The following ANTXR1 variants were observed in gnomAD, a reference collection of about 807,000 sequenced individuals.
The protein encoded by ANTXR1 is ANTXR cell adhesion molecule 1.
Under a neutral mutation model 78.1 loss-of-function variants are expected in ANTXR1, and 19 were observed. That is an observed-to-expected ratio of 0.24 (90% CI 0.17 to 0.36). The LOEUF (loss-of-function observed/expected upper bound fraction) is 0.36. ANTXR1 is among the 10% of genes least tolerant of loss of function. The probability of loss-of-function intolerance (pLI) is 1.00; values close to 1 mark genes in which losing one functional copy is unlikely to be tolerated. For synonymous variants in ANTXR1, 273 were observed against 260.5 expected (o/e 1.05, Z -0.46); for missense variants, 518 against 718.6 (o/e 0.72, Z 3.19).
At chr2:69,170,175 T>C in intron 13 of ANTXR1, 73 bp from the exon 14 acceptor site, 2 of 1,560,440 alleles carry the variant, frequency 1.3e-6, no homozygotes, top group South Asian at 2.2e-5. Context: ...CCACGGTACC[T>C]CCTGACAGCA....
chr2:69,158,278 A>G lies in ANTXR1; in HGVS notation c.1047+6014A>G, dbSNP rs1673580374. Among the ~76,000 whole-genome samples, 5 of 152,200 alleles carry G rather than the reference A, an allele frequency of 3.3e-5. No individual in the cohort carries two copies. The South Asian group carries it at 1.0e-3, about 31-fold the overall frequency. Reference sequence around the variant, plus strand: ...TAAACATATCAGGTACTTCCTTATCATGATCTTTTTGCTCATATTATTTCC... The same window carrying G: ...TAAACATATCAGGTACTTCCTTATCGTGATCTTTTTGCTCATATTATTTCC... On this transcript the variant is annotated intron_variant, in intron 13 of 17. Transcript: ENST00000303714.
At chr2:69,017,321 A>AT (rs1181045553) in intron 1 of ANTXR1, among the ~76,000 whole-genome samples, 1 of 152,006 alleles carries the variant, frequency 6.6e-6, no homozygotes, top group Admixed American at 6.5e-5. Flanking sequence ...ATGCTGACTC[A>AT]TTTTTTCCTT....
chr2:69,159,335 G>T (rs1022373764), intron 13 of ANTXR1, among the ~76,000 whole-genome samples: 8 of 152,098 alleles, frequency 5.3e-5, no homozygotes, highest in Admixed American at 3.3e-4. Flanking sequence ...CACTTTGGAA[G>T]AGCCGAGGCA....
rs76739355 is a variant in ANTXR1 at position 69,185,266 on chromosome 2, C to T, written c.1353+2606C>T. On this transcript the variant is annotated intron_variant, in intron 16 of 17. Coordinates refer to ENST00000303714, the MANE Select transcript of ANTXR1 (RefSeq NM_032208.3). ...AGTTAAGAAGTTGTCACCAGCTGGG[C>T]GCAGTGGCTCATGCCTGTAATCCCA... 0.012 allele frequency among the ~76,000 whole-genome samples: 1,847 copies of T among 152,256 alleles called. 61 individuals carry two copies. The East Asian group carries it at 0.13, about 11-fold the overall frequency.
At chr2:69,122,419 C>T (rs376500708) in intron 10 of ANTXR1, among the ~76,000 whole-genome samples, 2 of 152,134 alleles carry the variant, frequency 1.3e-5, no homozygotes, top group African/African-American at 4.8e-5. Flanking sequence ...TCCTTAGGAC[C>T]AGTCTAATAT....
intron 3 of ANTXR1, among the ~76,000 whole-genome samples, chr2:69,066,282 AT>A (rs890187523): frequency 2.0e-5 from 3 of 150,562 alleles, no homozygotes; most frequent in African/African-American, 4.9e-5. Context: ...TCCATCTTTT[AT>A]TTTTTTTTCT....
chr2:69,179,320 G>A (rs1023107787), intron 14 of ANTXR1, among the ~76,000 whole-genome samples: 1 of 152,150 alleles, frequency 6.6e-6, no homozygotes, highest in Non-Finnish European at 1.5e-5. Context: ...GCTGAGGTGA[G>A]AGGATCACTT....
At chr2:69,031,046 G>A (rs1671517343) in intron 1 of ANTXR1, among the ~76,000 whole-genome samples, 1 of 152,156 alleles carries the variant, frequency 6.6e-6, no homozygotes, top group South Asian at 2.1e-4. Context: ...AGCTGCTTTT[G>A]TGCTACAAAA....
chr2:69,124,654 A>G lies in ANTXR1; in HGVS notation c.951+11A>G. 1 of 1,613,288 alleles carries G rather than the reference A, an allele frequency of 6.2e-7. No homozygotes were observed. On this transcript the variant is annotated intron_variant, in intron 12 of 17. Transcript: ENST00000303714. ...ACCACCACACACTGTGTAAGTCATA[A>G]CCTTTCCCTTTACTAAAGATCTCAT...
At chr2:69,189,774 C>G (rs754249026) in intron 16 of ANTXR1, among the ~76,000 whole-genome samples, 1 of 152,160 alleles carries the variant, frequency 6.6e-6, no homozygotes, top group South Asian at 2.1e-4. Flanking sequence ...CCAGTGTGCC[C>G]ATCTGGAGAG....
intron 13 of ANTXR1, among the ~76,000 whole-genome samples, chr2:69,166,603 C>T (rs931977988): frequency 6.6e-6 from 1 of 151,982 alleles, no homozygotes; most frequent in Non-Finnish European, 1.5e-5. Flanking sequence ...CTCAGATTTA[C>T]TCCCATACTA....
chr2:69,052,088 T>A (rs1669947214), intron 3 of ANTXR1, among the ~76,000 whole-genome samples: 1 of 152,154 alleles, frequency 6.6e-6, no homozygotes, highest in South Asian at 2.1e-4. Flanking sequence ...TATCTACTGA[T>A]TCTTCTTGCT....
intron 17 of ANTXR1, among the ~76,000 whole-genome samples, chr2:69,243,117 T>C (rs1168541093): frequency 6.6e-6 from 1 of 152,208 alleles, no homozygotes; most frequent in Non-Finnish European, 1.5e-5. Context: ...CCAATTGCAG[T>C]CCCATCAAGT....
chr2:69,077,575 G>A, intron 8 of ANTXR1, 87 bp downstream of exon 8: 1 of 1,415,972 alleles, frequency 7.1e-7, no homozygotes, highest in South Asian at 1.1e-5. Flanking sequence ...ATCTCTCAAA[G>A]CCTGGTGTTT....
intron 17 of ANTXR1, among the ~76,000 whole-genome samples, chr2:69,222,743 A>G (rs1675349910): frequency 6.6e-6 from 1 of 152,228 alleles, no homozygotes; most frequent in Non-Finnish European, 1.5e-5. Context: ...CAGCCCTTGC[A>G]TATCAAGAAG....
chr2:69,039,326 A>G (rs974582080), intron 1 of ANTXR1, among the ~76,000 whole-genome samples: 1 of 152,226 alleles, frequency 6.6e-6, no homozygotes, highest in Non-Finnish European at 1.5e-5. Context: ...GGAAATAAAG[A>G]AGCCCCTTTC....
chr2:69,127,860 G>A lies in ANTXR1; in HGVS notation c.951+3217G>A, dbSNP rs576419602. 9.9e-5 allele frequency among the ~76,000 whole-genome samples: 15 copies of A among 152,264 alleles called. No homozygotes were observed. In the East Asian group the frequency reaches 2.9e-3, roughly 29 times the overall value. ...AGACAGGAAGAAGACAGAGGGAGAA[G>A]AAGACTTAGGGAGGAGGGGGAACAA... On this transcript the variant is annotated intron_variant, in intron 12 of 17. Transcript: ENST00000303714.
At chr2:69,055,195 G>T (rs1003003183) in intron 3 of ANTXR1, among the ~76,000 whole-genome samples, 50 of 152,096 alleles carry the variant, frequency 3.3e-4, no homozygotes, top group African/African-American at 1.2e-3. Flanking sequence ...CATCACAGTA[G>T]GCCCAACAGT....
Position 69,087,867 on chromosome 2 carries a change from C to G in ANTXR1, c.643-2992C>G, listed in dbSNP as rs547467098. 1.2e-3 allele frequency among the ~76,000 whole-genome samples: 186 copies of G among 152,276 alleles called. 1 individual carries two copies. Among genetic ancestry groups the G allele is most frequent in the African/African-American group, 4.3e-3 (178 of 41,538 alleles). On this transcript the variant is annotated intron_variant, in intron 8 of 17. Transcript: ENST00000303714. Reference sequence around the variant, plus strand: ...ACCATACAGTCTTGGCTGCTAAGAACCACGAGAACCCTTCAAATCCACCAA... The same window carrying G: ...ACCATACAGTCTTGGCTGCTAAGAAGCACGAGAACCCTTCAAATCCACCAA...
Sources: gnomAD v4.1 joint callset for allele counts (sites outside exome capture counted in the v4.1 genomes callset) on GRCh38, gnomAD v4.1.1 for gene constraint, MANE v1.5 for transcripts, NCBI Gene and HGNC (gene_info 2026-07-23, HGNC 2026-07-21) for gene names.